NLRP7: variants seen among roughly 807,000 people sequenced by gnomAD.
The protein encoded by NLRP7 is NLR family pyrin domain containing 7.
NLRP7 carries 72 observed loss-of-function variants against 85.5 expected under a neutral mutation model. The observed-to-expected ratio is 0.84, with a 90% CI of 0.70 to 1.02. The LOEUF is 1.02. Ranked by LOEUF, NLRP7 falls within the 50% of genes least tolerant of loss-of-function variation. The pLI, the probability that NLRP7 is intolerant of heterozygous loss-of-function variation, is 0.00. For synonymous variants in NLRP7, 550 were observed against 505.2 expected (o/e 1.09, Z -1.19); for missense variants, 1,243 against 1,219.5 (o/e 1.02, Z -0.29).
chr19:54,933,851 C>T (rs1008992203), intron 7 of NLRP7, 112 bp from the exon 8 acceptor site: 20 of 931,258 alleles, frequency 2.1e-5, no homozygotes, highest in Non-Finnish European at 3.0e-5. Flanking sequence ...CTGTTCATCC[C>T]CTGCCCTCTG....
At chr19:54,942,966 G>GCCATCTCTAC (rs1294473950) in intron 1 of NLRP7, among the ~76,000 whole-genome samples, 2 of 151,626 alleles carry the variant, frequency 1.3e-5, no homozygotes, top group African/African-American at 2.4e-5. Flanking sequence ...GGCCCACATG[G>GCCATCTCTAC]TGAAACCCCA....
chr19:54,934,036 C>T lies in NLRP7; in HGVS notation c.2472-297G>A, dbSNP rs2068787715. On this transcript the variant is annotated intron_variant, in intron 7 of 9. Coordinates refer to ENST00000340844, the Ensembl canonical transcript of NLRP7. This position sits in a 1 kb window ranked among gnomAD's most constrained non-coding sequence, Gnocchi z 6.7. ...CGGTTCACTGCCAATCGCCGCCTCC[C>T]AGGTTTACACCATTCTGCTGACTCA... Among the ~76,000 whole-genome samples the T allele has an allele frequency of 1.3e-5, 2 of 152,152 alleles. No homozygotes were observed. Among genetic ancestry groups the T allele is most frequent in the African/African-American group, 2.4e-5 (1 of 41,466 alleles).
At chr19:54,957,651 T>C (rs901460012) in intron 1 of NLRP7, among the ~76,000 whole-genome samples, 5 of 152,094 alleles carry the variant, frequency 3.3e-5, no homozygotes, top group South Asian at 2.1e-4. Flanking sequence ...TACACTCTTA[T>C]ACTCCTTTCT....
chr19:54,963,814 A>C (rs924251157), intron 1 of NLRP7, among the ~76,000 whole-genome samples: 7 of 149,538 alleles, frequency 4.7e-5, no homozygotes, highest in Non-Finnish European at 1.0e-4. Flanking sequence ...ACAGTGCCAG[A>C]CTCAGTCTCA....
chr19:54,923,627 T>C, exon 10 of NLRP7: 2 of 1,235,302 alleles, frequency 1.6e-6, no homozygotes, highest in Non-Finnish European at 2.4e-6. Context: ...TGTCAAATCC[T>C]ACCTCTCGAC....
chr19:54,935,090 G>A (rs2068850794), intron 6 of NLRP7, among the ~76,000 whole-genome samples: 1 of 152,126 alleles, frequency 6.6e-6, no homozygotes, highest in Non-Finnish European at 1.5e-5. Flanking sequence ...AATTACTGGA[G>A]AGATCTAATG....
chr19:54,935,337 C>T (rs903877465), intron 6 of NLRP7, among the ~76,000 whole-genome samples: 1 of 151,986 alleles, frequency 6.6e-6, no homozygotes, highest in Non-Finnish European at 1.5e-5. Context: ...AAATGATCCT[C>T]CCACCTCAGC....
chr19:54,953,508 C>T (rs1293469882), intron 1 of NLRP7: 1 of 152,112 alleles, frequency 6.6e-6, no homozygotes, highest in Non-Finnish European at 1.5e-5. Flanking sequence ...ACTACCAGGC[C>T]CAGGGTGTGG....
chr19:54,939,835 G>C (rs772788171), exon 4 of NLRP7: 2 of 1,614,008 alleles, frequency 1.2e-6, no homozygotes, highest in African/African-American at 2.7e-5. Flanking sequence ...AGGCCCTCCT[G>C]TCCTCCTCCA....
chr19:54,926,497 G>C (rs549528513), intron 9 of NLRP7, among the ~76,000 whole-genome samples: 5 of 152,098 alleles, frequency 3.3e-5, no homozygotes, highest in South Asian at 4.1e-4. Context: ...AGCCATCCCA[G>C]GGCCGAGCAC....
At chr19:54,931,222 G>A (rs555075606) in intron 8 of NLRP7, among the ~76,000 whole-genome samples, 1 of 152,178 alleles carries the variant, frequency 6.6e-6, no homozygotes, top group African/African-American at 2.4e-5. Context: ...AGGAGTTCAA[G>A]ACCAGCCTGG....
intron 5 of NLRP7, 143 bp downstream of exon 5, chr19:54,937,900 CA>C (rs59058059): frequency 0.11 from 54,880 of 499,668 alleles, no homozygotes; most frequent in East Asian, 0.13. Flanking sequence ...TCCGTCTCAC[CA>C]AAAAAAAAAA....
At chr19:54,960,129 G>A (rs983530300) in intron 1 of NLRP7, among the ~76,000 whole-genome samples, 2 of 151,814 alleles carry the variant, frequency 1.3e-5, no homozygotes, top group African/African-American at 4.8e-5. Flanking sequence ...GAAGTCTGGT[G>A]TTTCTTGTTT....
intron 9 of NLRP7, among the ~76,000 whole-genome samples, chr19:54,929,104 C>A (rs1473378166): frequency 6.6e-6 from 1 of 152,156 alleles, no homozygotes; most frequent in Non-Finnish European, 1.5e-5. Flanking sequence ...AATGGTGGCT[C>A]ATGCCTGTAA....
rs546530512 is a variant in NLRP7 at position 54,925,860 on chromosome 19, CGTG to C, written c.2811-1991_2811-1989del. On this transcript the variant is annotated intron_variant, in intron 9 of 9. Coordinates refer to ENST00000340844, the Ensembl canonical transcript of NLRP7. ...CTAAAAATACAAAAAATTAGCCGGG[CGTG>C]GTGGCGGGCGCCTGTAGTCCCAGCT... Among the ~76,000 whole-genome samples, 80 of 151,770 alleles carry C rather than the reference CGTG, an allele frequency of 5.3e-4. 2 individuals carry two copies. In the South Asian group the frequency reaches 0.017, roughly 31 times the overall value.
At chr19:54,960,680 C>T (rs1431396703) in intron 1 of NLRP7, among the ~76,000 whole-genome samples, 1 of 152,046 alleles carries the variant, frequency 6.6e-6, no homozygotes, top group Admixed American at 6.6e-5. Flanking sequence ...ACTGCAAGCT[C>T]CGCCTCCCGG....
At chr19:54,944,283 A>T (rs953359120) in intron 1 of NLRP7, among the ~76,000 whole-genome samples, 1 of 152,016 alleles carries the variant, frequency 6.6e-6, no homozygotes, top group African/African-American at 2.4e-5. Flanking sequence ...ATCCACCGAG[A>T]TAGGGGAAAA....
intron 9 of NLRP7, among the ~76,000 whole-genome samples, chr19:54,925,699 G>A (rs899700490): frequency 1.3e-3 from 191 of 152,088 alleles, no homozygotes; most frequent in Non-Finnish European, 5.4e-4. Context: ...GGTAGATTAC[G>A]TTAAAATAAG....
At chr19:54,924,590 A>G (rs2068354751) in intron 9 of NLRP7, among the ~76,000 whole-genome samples, 1 of 152,136 alleles carries the variant, frequency 6.6e-6, no homozygotes, top group Admixed American at 6.6e-5. Flanking sequence ...GCCCTACTGC[A>G]CTCCAGCCTG....
Sources: gnomAD v4.1 joint callset for allele counts (sites outside exome capture counted in the v4.1 genomes callset) on GRCh38, gnomAD v4.1.1 for gene constraint, Gnocchi (gnomAD v3.1) non-coding constraint, MANE v1.5 for transcripts, NCBI Gene and HGNC (gene_info 2026-07-23, HGNC 2026-07-21) for gene names.